The following XRCC4 variants were observed in gnomAD, a reference collection of about 807,000 sequenced individuals.
The protein encoded by XRCC4 is DNA repair protein XRCC4.
In XRCC4, 28 loss-of-function variants were observed where a neutral mutation model predicts 39.1. The ratio of observed to expected loss-of-function variants is 0.72; its 90% CI spans 0.53 to 0.98. The LOEUF (loss-of-function observed/expected upper bound fraction) is 0.98, where lower values mean the gene tolerates loss of function less well. Among genes scored for constraint, XRCC4 ranks in the 50% least tolerant of loss-of-function variants. The probability of loss-of-function intolerance (pLI) is 0.00; values close to 1 mark genes in which losing one functional copy is unlikely to be tolerated. For missense variants in XRCC4, 350 were observed against 376.4 expected (o/e 0.93, Z 0.58); for synonymous variants, 123 against 126.4 (o/e 0.97, Z 0.18).
At chr5:83,196,420 A>G (rs1035686365) in intron 4 of XRCC4, among the ~76,000 whole-genome samples, 3 of 152,082 alleles carry the variant, frequency 2.0e-5, no homozygotes, top group African/African-American at 7.2e-5. Flanking sequence ...TTTTTAAAGG[A>G]TGAGCTAATT....
At chr5:83,133,016 T>A (rs1178917341) in intron 3 of XRCC4, among the ~76,000 whole-genome samples, 4 of 152,066 alleles carry the variant, frequency 2.6e-5, no homozygotes, top group Non-Finnish European at 5.9e-5. Flanking sequence ...CCCATCTTTG[T>A]GGTTTTATCT....
At chr5:83,332,973 T>C (rs1384681971) in intron 7 of XRCC4, among the ~76,000 whole-genome samples, 4 of 152,186 alleles carry the variant, frequency 2.6e-5, no homozygotes, top group Non-Finnish European at 4.4e-5. Flanking sequence ...TAGACACATA[T>C]TATTGTGACA....
At chr5:83,145,962 A>T (rs753127542) in intron 3 of XRCC4, among the ~76,000 whole-genome samples, 1 of 151,664 alleles carries the variant, frequency 6.6e-6, no homozygotes, top group Non-Finnish European at 1.5e-5. Context: ...GCAGAGCTCT[A>T]TACTTAGCTT....
At chr5:83,279,090 AT>A (rs560425184) in intron 7 of XRCC4, among the ~76,000 whole-genome samples, 1,494 of 146,590 alleles carry the variant, frequency 0.01, 27 homozygotes, top group African/African-American at 0.035. Context: ...ATATTATAAA[AT>A]ATATATAATA....
chr5:83,275,059 A>G (rs950109040), intron 7 of XRCC4, among the ~76,000 whole-genome samples: 6 of 152,160 alleles, frequency 3.9e-5, no homozygotes, highest in African/African-American at 1.4e-4. Context: ...GTCTTAGAGT[A>G]GGCTAATAGA....
intron 1 of XRCC4, among the ~76,000 whole-genome samples, chr5:83,085,480 T>TG (rs1217999503): frequency 6.6e-6 from 1 of 151,864 alleles, no homozygotes; most frequent in African/African-American, 2.4e-5. Flanking sequence ...TGTTTATGAT[T>TG]TTTTTTGTAA....
At chr5:83,367,106 T>C in the XRCC4 span, among the ~76,000 whole-genome samples, 1 of 152,192 alleles carries the variant, frequency 6.6e-6, no homozygotes, top group East Asian at 1.9e-4. Context: ...TCGATATTTT[T>C]TGAATTAATG....
In XRCC4 at chr5:83,336,165, G is replaced by A. The variant is rs190851331; in HGVS notation, c.894-16966G>A. Among the ~76,000 whole-genome samples the A allele has an allele frequency of 2.5e-3, 386 of 152,112 alleles. 4 individuals carry two copies. Among genetic ancestry groups the A allele is most frequent in the South Asian group, 5.8e-3 (28 of 4,826 alleles). On this transcript the variant is annotated intron_variant, in intron 7 of 7. Coordinates refer to ENST00000396027, the MANE Select transcript of XRCC4 (RefSeq NM_003401.5). The stretch of plus-strand genomic sequence containing the variant: ...AGCCATTTAAAACATTAAGATTTAA[G>A]TTTTTATCATCTGTAGAAGCCCAAT...
intron 6 of XRCC4, among the ~76,000 whole-genome samples, chr5:83,229,371 G>C (rs1055913062): frequency 6.6e-6 from 1 of 151,564 alleles, no homozygotes; most frequent in South Asian, 2.1e-4. Flanking sequence ...TTAATATATC[G>C]CCTTGGCAAT....
At chr5:83,286,869 A>G (rs1467849909) in intron 7 of XRCC4, among the ~76,000 whole-genome samples, 1 of 152,050 alleles carries the variant, frequency 6.6e-6, no homozygotes, top group Non-Finnish European at 1.5e-5. Context: ...ATGTGCATGT[A>G]AAGTAGTTGA....
At chr5:83,150,631 G>A (rs1748659300) in intron 3 of XRCC4, among the ~76,000 whole-genome samples, 1 of 152,118 alleles carries the variant, frequency 6.6e-6, no homozygotes, top group South Asian at 2.1e-4. Flanking sequence ...ATACACACAT[G>A]TTCTTATGTT....
intron 6 of XRCC4, among the ~76,000 whole-genome samples, chr5:83,241,307 A>C (rs1427617470): frequency 6.6e-6 from 1 of 152,066 alleles, no homozygotes; most frequent in African/African-American, 2.4e-5. Flanking sequence ...TTTTAGTTGT[A>C]AGATTTTTAA....
At chr5:83,363,442 T>C in the XRCC4 span, among the ~76,000 whole-genome samples, 6 of 152,164 alleles carry the variant, frequency 3.9e-5, no homozygotes, top group Non-Finnish European at 8.8e-5. Flanking sequence ...CTGATTAGAT[T>C]TGTGCTTTTG....
chr5:83,189,567 T>C (rs190438195), intron 3 of XRCC4, among the ~76,000 whole-genome samples: 61 of 152,270 alleles, frequency 4.0e-4, no homozygotes, highest in Admixed American at 9.8e-4. Context: ...TCTAAGAAAT[T>C]TGGGCAATAA....
Position 83,111,153 on chromosome 5 carries a change from T to C in XRCC4, c.265T>C (p.Ser89Pro). The C allele has an allele frequency of 6.2e-7, 1 of 1,602,638 alleles. No individual in the cohort carries two copies. Residue 89 changes from serine to proline, a missense_variant, in exon 3 of 8, where the codon TCT (serine) becomes CCT (proline). Ser to Pro is a moderately conservative substitution (Grantham distance 74). Coordinates refer to ENST00000396027, the MANE Select transcript of XRCC4 (RefSeq NM_003401.5). ...GPADVYTFNF[S>P]KESCYFFFEK... is the part of the protein sequence containing the mutation. ...AGCTGATGTATACACGTTTAATTTT[T>C]CTAAAGAGTCTTGTTATTTCTTCTT...
intron 6 of XRCC4, among the ~76,000 whole-genome samples, chr5:83,244,811 G>T (rs911134150): frequency 6.6e-6 from 1 of 152,128 alleles, no homozygotes; most frequent in Non-Finnish European, 1.5e-5. Flanking sequence ...AGGAAGCACA[G>T]GCCTGCACAA....
intron 1 of XRCC4, among the ~76,000 whole-genome samples, chr5:83,092,857 T>A (rs1745490919): frequency 6.6e-6 from 1 of 151,866 alleles, no homozygotes; most frequent in African/African-American, 2.4e-5. Flanking sequence ...TTGCAAGAGA[T>A]GAAGAAGGAA....
At chr5:83,329,513 T>G (rs1431353249) in intron 7 of XRCC4, among the ~76,000 whole-genome samples, 2 of 152,108 alleles carry the variant, frequency 1.3e-5, no homozygotes, top group Non-Finnish European at 2.9e-5. Context: ...TATAAAAATA[T>G]GGCCGACATC....
intron 3 of XRCC4, among the ~76,000 whole-genome samples, chr5:83,162,720 T>A (rs1203300387): frequency 6.6e-6 from 1 of 152,166 alleles, no homozygotes; most frequent in East Asian, 1.9e-4. Flanking sequence ...TCTAGAAACA[T>A]AAATAAAGAA....
Sources: gnomAD v4.1 joint callset for allele counts (sites outside exome capture counted in the v4.1 genomes callset) on GRCh38, gnomAD v4.1.1 for gene constraint, MANE v1.5 for transcripts, NCBI Gene and HGNC (gene_info 2026-07-23, HGNC 2026-07-21) for gene names.